Variants in SP140L observed in about 807,000 individuals in gnomAD.
SP140L encodes nuclear body protein SP140-like protein.
In SP140L, 64 loss-of-function variants were observed where a neutral mutation model predicts 84.3. That is an observed-to-expected ratio of 0.76 (90% CI 0.62 to 0.94). The LOEUF is 0.94. SP140L is among the 40% of genes least tolerant of loss of function. The pLI is 0.00. For missense variants in SP140L, 628 were observed against 692.5 expected (o/e 0.91, Z 1.05); for synonymous variants, 242 against 236.9 (o/e 1.02, Z -0.20).
At chr2:230,385,373 C>G in intron 9 of SP140L, 69 bp downstream of exon 9, 1 of 1,447,246 alleles carries the variant, frequency 6.9e-7, no homozygotes, top group East Asian at 2.3e-5. Context: ...TTTTGAGGAG[C>G]CTAGAAGCTT....
chr2:230,396,437 T>C (rs6436934), intron 13 of SP140L, among the ~76,000 whole-genome samples: 106,721 of 152,200 alleles, frequency 0.7, 38,100 homozygotes, highest in Non-Finnish European at 0.75. Flanking sequence ...GCAGCCCAGA[T>C]GGTGAGGCCA....
chr2:230,394,040 A>G (rs2061942337), intron 13 of SP140L, among the ~76,000 whole-genome samples: 1 of 152,186 alleles, frequency 6.6e-6, no homozygotes, highest in Non-Finnish European at 1.5e-5. Flanking sequence ...TTCTTTCTCA[A>G]TGGGAAATTA....
chr2:230,338,810 G>A (rs1408686112), intron 2 of SP140L, among the ~76,000 whole-genome samples: 27 of 143,286 alleles, frequency 1.9e-4, no homozygotes, highest in East Asian at 1.8e-3. Flanking sequence ...ATTGATTTGC[G>A]TATATTAAAC....
intron 2 of SP140L, among the ~76,000 whole-genome samples, chr2:230,356,384 A>G (rs1448096827): frequency 1.3e-5 from 2 of 152,230 alleles, no homozygotes; most frequent in Non-Finnish European, 2.9e-5. Flanking sequence ...AGACTGTGGT[A>G]GATTCACACA....
intron 2 of SP140L, chr2:230,341,964 C>T (rs547917812): frequency 6.5e-6 from 1 of 153,222 alleles, no homozygotes; most frequent in East Asian, 1.9e-4. Flanking sequence ...TGCCCTGCCC[C>T]CAGAGGTGGA....
At chr2:230,351,922 C>G (rs1464049973) in intron 2 of SP140L, among the ~76,000 whole-genome samples, 1 of 152,198 alleles carries the variant, frequency 6.6e-6, no homozygotes, top group Non-Finnish European at 1.5e-5. Context: ...GCTGGGACTA[C>G]AGGCATTATC....
chr2:230,373,079 T>G (rs186925474), intron 7 of SP140L, among the ~76,000 whole-genome samples: 2 of 152,338 alleles, frequency 1.3e-5, no homozygotes, highest in African/African-American at 4.8e-5. Context: ...GGCTGTGAGA[T>G]GTAGAAAGCT....
At position 230,403,242 on chromosome 2, in the gene SP140L, A is replaced by G. The variant is rs11681234; in HGVS notation, c.*346A>G. 48,778 of 182,924 alleles carry G rather than the reference A, an allele frequency of 0.27. 7,030 individuals carry two copies. Among genetic ancestry groups the G allele is most frequent in the Non-Finnish European group, 0.3 (27,176 of 89,564 alleles). 11.3% of individuals were successfully genotyped at this position (182,924 alleles called of 1,614,324 possible). A position where few individuals can be genotyped will look rare whatever the true frequency, so the allele number is the denominator to read the frequency against. On this transcript the variant is annotated 3_prime_UTR_variant, in exon 19 of 19. Transcript: ENST00000415673. ...TTTTGAGATGGAGTCTCACACAGTC[A>G]CCCGGGATTGGAATGCAATGGCGCG...
chr2:230,382,182 A>G (rs1403159707), intron 7 of SP140L, among the ~76,000 whole-genome samples: 3 of 102,338 alleles, frequency 2.9e-5, no homozygotes, highest in Non-Finnish European at 5.6e-5. Context: ...CCACCCCAAC[A>G]AATGACTGAG....
In SP140L at chr2:230,383,520, G is replaced by A. The variant is rs200039419; in HGVS notation, c.648G>A (p.Lys216=). 9.5e-5 allele frequency: 152 copies of A among 1,604,278 alleles called. No individual in the cohort carries two copies. Among genetic ancestry groups the A allele is most frequent in the Non-Finnish European group, 1.2e-4 (140 of 1,175,462 alleles). The change falls in exon 8 of 19, where the codon AAG becomes AAA. Residue 216 remains lysine (K), a synonymous_variant. Coordinates refer to ENST00000415673, the MANE Select transcript of SP140L (RefSeq NM_138402.6). The stretch of plus-strand genomic sequence containing the variant: ...CTCTTTGGTTTGAAGGAAAAAAGAA[G>A]GGGCATGGCTGGAGCAGAATGGGAA... ...GKPKRKRRKK[K]GHGWSRMGTR...
chr2:230,388,537 T>C, intron 9 of SP140L, 22 bp from the exon 10 acceptor site: 1 of 1,588,854 alleles, frequency 6.3e-7, no homozygotes, highest in Non-Finnish European at 8.6e-7. Context: ...GTAACTGTGA[T>C]TTTATTATTC....
intron 7 of SP140L, among the ~76,000 whole-genome samples, chr2:230,378,033 A>G (rs1385923346): frequency 6.6e-6 from 1 of 152,094 alleles, no homozygotes; most frequent in Non-Finnish European, 1.5e-5. Context: ...TTGCATGTGG[A>G]TACTCAATCA....
chr2:230,393,145 T>C (rs556535787), intron 12 of SP140L, among the ~76,000 whole-genome samples: 1 of 152,228 alleles, frequency 6.6e-6, no homozygotes, highest in East Asian at 1.9e-4. Context: ...AAGTGATAGA[T>C]GGTATGAGAT....
At position 230,390,168 on chromosome 2, in the gene SP140L, G is replaced by A. The variant is rs1022427188; in HGVS notation, c.964+145G>A. On this transcript the variant is annotated intron_variant, in intron 11 of 18. Transcript: ENST00000415673. ...GGAAGGAGGAAGGGATCCCTAAGAT[G>A]ACATTTTAAGACTTTAAGAAATCAC... is the stretch of plus-strand genomic sequence containing the variant. 35 of 693,992 alleles carry A rather than the reference G, an allele frequency of 5.0e-5. 1 individual carries two copies. The highest frequency in any genetic ancestry group is 5.8e-5 in the Non-Finnish European group (24 of 411,042). The allele number at this position is 693,992 out of a possible 1,614,324, so 43.0% of individuals were successfully genotyped here.
intron 2 of SP140L, among the ~76,000 whole-genome samples, chr2:230,332,233 A>C (rs2059744354): frequency 6.6e-6 from 1 of 152,210 alleles, no homozygotes; most frequent in Non-Finnish European, 1.5e-5. Flanking sequence ...TAATTTTGAT[A>C]ATTTTTCCAA....
intron 13 of SP140L, among the ~76,000 whole-genome samples, chr2:230,393,838 G>T (rs10189380): frequency 0.22 from 33,890 of 152,080 alleles, 4,217 homozygotes; most frequent in Non-Finnish European, 0.29. Context: ...CTCAAAATCA[G>T]ATTTTTTTCA....
intron 5 of SP140L, among the ~76,000 whole-genome samples, chr2:230,369,101 G>A (rs771951844): frequency 1.1e-4 from 16 of 152,328 alleles, no homozygotes; most frequent in Non-Finnish European, 8.8e-5. Flanking sequence ...GATTGGCTTT[G>A]TCTGGGAAAG....
intron 2 of SP140L, among the ~76,000 whole-genome samples, chr2:230,350,662 CAA>C (rs2060336779): frequency 6.6e-6 from 1 of 151,508 alleles, no homozygotes; most frequent in Admixed American, 6.6e-5. Context: ...AATAAACAAA[CAA>C]ATGTGTAATT....
chr2:230,393,076 G>A (rs2061892496), intron 12 of SP140L, among the ~76,000 whole-genome samples: 1 of 152,168 alleles, frequency 6.6e-6, no homozygotes, highest in Non-Finnish European at 1.5e-5. Flanking sequence ...AGTGTGTGCT[G>A]CTTGGATAGC....
Sources: allele counts gnomAD v4.1 joint callset (sites outside exome capture counted in the v4.1 genomes callset), GRCh38; gene constraint gnomAD v4.1.1; transcripts MANE v1.5; gene names NCBI Gene and HGNC (gene_info 2026-07-23, HGNC 2026-07-21).